Variants in DAB1 observed in about 807,000 individuals in gnomAD.
DAB1 encodes disabled homolog 1.
A neutral mutation model predicts 64.6 loss-of-function variants in DAB1; 15 were observed. The observed-to-expected ratio is 0.23, with a 90% CI of 0.16 to 0.36. DAB1 has a LOEUF of 0.36. DAB1 is among the 10% of genes least tolerant of loss of function. The pLI is 1.00. For synonymous variants in DAB1, 235 were observed against 251.9 expected (o/e 0.93, Z 0.64); for missense variants, 596 against 706.7 (o/e 0.84, Z 1.78).
At chr1:57,378,893 C>T (rs951894437) in intron 1 of DAB1, among the ~76,000 whole-genome samples, 1 of 152,168 alleles carries the variant, frequency 6.6e-6, no homozygotes, top group South Asian at 2.1e-4. Context: ...AAAACTGTTG[C>T]TACTCCAAAC....
chr1:57,471,287 A>G (rs1687125139), intron 7 of DAB1, among the ~76,000 whole-genome samples: 1 of 152,208 alleles, frequency 6.6e-6, no homozygotes, highest in African/African-American at 2.4e-5. Context: ...AAGCAAACTC[A>G]CCCCTTCCAA....
chr1:58,115,917 A>G (rs1652298544), intron 5 of DAB1, among the ~76,000 whole-genome samples: 1 of 141,288 alleles, frequency 7.1e-6, no homozygotes, highest in South Asian at 2.4e-4. Context: ...GCAGCGCACC[A>G]GCATGGCACA....
chr1:57,643,650 A>G (rs1473688132), intron 7 of DAB1, among the ~76,000 whole-genome samples: 1 of 152,192 alleles, frequency 6.6e-6, no homozygotes, highest in Admixed American at 6.5e-5. Context: ...AAGATTTACT[A>G]TGGTAGATCC....
chr1:57,920,671 T>C (rs1339550364), intron 5 of DAB1, among the ~76,000 whole-genome samples: 3 of 152,106 alleles, frequency 2.0e-5, no homozygotes, highest in African/African-American at 7.2e-5. Flanking sequence ...AGGCTCCACA[T>C]CCTCATGTAC....
intron 3 of DAB1, among the ~76,000 whole-genome samples, chr1:58,416,566 T>G (rs1014873444): frequency 4.6e-5 from 7 of 152,350 alleles, no homozygotes; most frequent in African/African-American, 1.7e-4. Flanking sequence ...AAATGAATCT[T>G]AATTTTATTT....
chr1:57,069,245 A>T, intron 8 of DAB1, 115 bp downstream of exon 8: 1 of 821,454 alleles, frequency 1.2e-6, no homozygotes, highest in South Asian at 1.6e-5. Context: ...TTTCACTCAA[A>T]GGTATTTTAA....
chr1:58,340,225 C>T (rs1173328404), intron 4 of DAB1, among the ~76,000 whole-genome samples: 4 of 152,278 alleles, frequency 2.6e-5, no homozygotes, highest in Non-Finnish European at 2.9e-5. Flanking sequence ...CGGTTTTCTT[C>T]CTGTCCTTCC....
At position 57,263,641 on chromosome 1, in the gene DAB1, C is replaced by A. The variant is rs369617784; in HGVS notation, c.67+27323G>T. ...ATCTGTCCTTTCTGAGTGCTATGAG[C>A]CATTAGGAGAAAATGTATCTCTCAA... On this transcript the variant is annotated intron_variant, in intron 2 of 14. Transcript: ENST00000371236. Among the ~76,000 whole-genome samples, 4 of 152,100 alleles carry A rather than the reference C, an allele frequency of 2.6e-5. No homozygotes were observed. The East Asian group carries it at 7.7e-4, about 29-fold the overall frequency.
chr1:57,183,033 G>A (rs949584396), intron 2 of DAB1, among the ~76,000 whole-genome samples: 13 of 152,280 alleles, frequency 8.5e-5, no homozygotes, highest in Admixed American at 1.3e-4. Flanking sequence ...AAGTTCTGTC[G>A]TAGATGATAG....
intron 4 of DAB1, among the ~76,000 whole-genome samples, chr1:58,264,562 G>A (rs369659417): frequency 1.2e-4 from 19 of 152,322 alleles, no homozygotes; most frequent in African/African-American, 4.3e-4. Flanking sequence ...TTTCCTCCAC[G>A]TGATGATTTA....
chr1:58,530,068 A>G lies in DAB1; in HGVS notation n.33-2733T>C, dbSNP rs548339672. Among the ~76,000 whole-genome samples the G allele has an allele frequency of 3.3e-4, 50 of 152,238 alleles. No homozygotes were observed. The South Asian group carries it at 0.01, about 32-fold the overall frequency. On this transcript the variant is annotated intron_variant and non_coding_transcript_variant, in intron 1 of 20. Transcript: ENST00000485760. ...GCTAATTTTTTTGTATTTTTAGTAG[A>G]GACAGGGTTTCACCACGTTAGCCAG...
chr1:58,147,888 G>T (rs1038714060), intron 5 of DAB1, among the ~76,000 whole-genome samples: 4 of 147,220 alleles, frequency 2.7e-5, no homozygotes, highest in African/African-American at 1.0e-4. Context: ...AAACTATCCT[G>T]TCAACCATCC....
intron 2 of DAB1, among the ~76,000 whole-genome samples, chr1:57,164,100 A>G (rs549592045): frequency 6.6e-6 from 1 of 152,254 alleles, no homozygotes; most frequent in Non-Finnish European, 1.5e-5. Flanking sequence ...ATGAGGTTTG[A>G]GGTCTCGGAA....
chr1:58,018,874 C>T (rs1646779246), intron 5 of DAB1, among the ~76,000 whole-genome samples: 1 of 152,064 alleles, frequency 6.6e-6, no homozygotes, highest in Admixed American at 6.5e-5. Flanking sequence ...AAAAGAATTC[C>T]AATCAGTTGT....
At chr1:57,500,921 G>T (rs1308754146) in intron 7 of DAB1, among the ~76,000 whole-genome samples, 2 of 152,160 alleles carry the variant, frequency 1.3e-5, no homozygotes, top group South Asian at 2.1e-4. Context: ...AAATTCTAGG[G>T]TTAATTGAAA....
intron 14 of DAB1, among the ~76,000 whole-genome samples, chr1:57,008,696 A>AT (rs1347616444): frequency 2.0e-5 from 3 of 151,968 alleles, no homozygotes; most frequent in African/African-American, 7.2e-5. Flanking sequence ...GAACCTAGAT[A>AT]TTTTTTTTAA....
At chr1:57,552,889 C>G (rs1644930718) in intron 7 of DAB1, among the ~76,000 whole-genome samples, 1 of 152,022 alleles carries the variant, frequency 6.6e-6, no homozygotes, top group African/African-American at 2.4e-5. Context: ...ATCTGGGAAA[C>G]AGATGATGAA....
chr1:58,486,444 A>G (rs758475961), intron 3 of DAB1, among the ~76,000 whole-genome samples: 26 of 152,158 alleles, frequency 1.7e-4, no homozygotes, highest in Admixed American at 5.2e-4. Flanking sequence ...AAATTTCTAT[A>G]AGGGAGTGGA....
Position 57,753,638 on chromosome 1 carries a change from A to G in DAB1, n.552-103973T>C, listed in dbSNP as rs567097393. On this transcript the variant is annotated intron_variant and non_coding_transcript_variant, in intron 6 of 20. Coordinates refer to the DAB1 transcript ENST00000485760. The stretch of plus-strand genomic sequence containing the variant: ...CTGTTTATCTACATCTCTTTCTATG[A>G]TGTTTATCCACATTTCATCCTATTG... Among the ~76,000 whole-genome samples the G allele has an allele frequency of 2.0e-5, 3 of 152,306 alleles. No homozygotes were observed. The South Asian group carries it at 6.2e-4, about 32-fold the overall frequency.
Sources: allele counts gnomAD v4.1 joint callset (sites outside exome capture counted in the v4.1 genomes callset), GRCh38; gene constraint gnomAD v4.1.1; transcripts MANE v1.5; gene names NCBI Gene and HGNC (gene_info 2026-07-23, HGNC 2026-07-21).